Variants in SLC4A10 observed in about 807,000 individuals in gnomAD.
SLC4A10 encodes solute carrier family 4 member 10.
Under a neutral mutation model 137.7 loss-of-function variants are expected in SLC4A10, and 42 were observed. The ratio of observed to expected loss-of-function variants is 0.30; its 90% CI spans 0.24 to 0.39. SLC4A10 has a LOEUF of 0.39. Among genes scored for constraint, SLC4A10 ranks in the 10% least tolerant of loss-of-function variants. The pLI is 1.00. For synonymous variants in SLC4A10, 474 were observed against 464.1 expected (o/e 1.02, Z -0.27); for missense variants, 925 against 1,355.0 (o/e 0.68, Z 4.98).
intron 1 of SLC4A10, among the ~76,000 whole-genome samples, chr2:161,728,964 T>A (rs1433619356): frequency 1.3e-5 from 2 of 152,082 alleles, no homozygotes; most frequent in Non-Finnish European, 2.9e-5. Flanking sequence ...ATCATTTTAA[T>A]TGAGGCAGAA....
At chr2:161,662,257 A>G (rs762465434) in intron 1 of SLC4A10, among the ~76,000 whole-genome samples, 1 of 152,192 alleles carries the variant, frequency 6.6e-6, no homozygotes, top group Non-Finnish European at 1.5e-5. Context: ...TTTTAAAACC[A>G]TATCCAGAAC....
intron 1 of SLC4A10, among the ~76,000 whole-genome samples, chr2:161,643,477 A>G (rs773410627): frequency 1.1e-4 from 17 of 152,132 alleles, no homozygotes; most frequent in Non-Finnish European, 2.4e-4. Context: ...GCAGTAATTT[A>G]CTTATAATAT....
In SLC4A10 at chr2:161,904,922, T is replaced by G. The variant is rs754299759; in HGVS notation, c.1751+13T>G. On this transcript the variant is annotated intron_variant, in intron 14 of 26. Coordinates refer to ENST00000446997, the MANE Select transcript of SLC4A10 (RefSeq NM_001178015.2). ...TTAAATTTTGCAAGTAAGTGTTATGTACTTTTTGGCCCTTAGCCTCTTCCT... is the reference window on the plus strand; with the variant it reads ...TTAAATTTTGCAAGTAAGTGTTATGGACTTTTTGGCCCTTAGCCTCTTCCT... The G allele has an allele frequency of 6.2e-7, 1 of 1,613,748 alleles. No individual in the cohort carries two copies. Among genetic ancestry groups the G allele is most frequent in the South Asian group, 1.1e-5 (1 of 91,036 alleles).
At chr2:161,882,250 C>T (rs2061851932) in intron 9 of SLC4A10, 107 bp from the exon 10 acceptor site, 2 of 584,288 alleles carry the variant, frequency 3.4e-6, no homozygotes, top group East Asian at 6.6e-5. Flanking sequence ...AAGTATTTGC[C>T]ATCACAATCT....
chr2:161,813,701 T>C (rs903558925), intron 3 of SLC4A10, among the ~76,000 whole-genome samples: 1 of 152,112 alleles, frequency 6.6e-6, no homozygotes, highest in African/African-American at 2.4e-5. Flanking sequence ...TTTGAGAAAA[T>C]ATATTTATAT....
intron 2 of SLC4A10, among the ~76,000 whole-genome samples, chr2:161,790,183 C>T (rs1031287157): frequency 6.6e-6 from 1 of 152,098 alleles, no homozygotes; most frequent in Non-Finnish European, 1.5e-5. Flanking sequence ...GTAACCATAT[C>T]ACAATAGTTT....
rs999611041 is a variant in SLC4A10 at position 161,624,590 on chromosome 2, T to A, written c.48+24T>A. 6 of 1,551,604 alleles carry A rather than the reference T, an allele frequency of 3.9e-6. No individual in the cohort carries two copies. In the African/African-American group the frequency reaches 6.8e-5, roughly 18 times the overall value. ...CGGTAAGAGACAACCTGCTATCACA[T>A]AGATTAACCGCGTTTGCTGCAAAAC... On this transcript the variant is annotated intron_variant, in intron 1 of 26. Transcript: ENST00000446997.
At chr2:161,961,149 T>G (rs1007323789) in intron 21 of SLC4A10, among the ~76,000 whole-genome samples, 1 of 152,194 alleles carries the variant, frequency 6.6e-6, no homozygotes, top group Non-Finnish European at 1.5e-5. Flanking sequence ...CTGATGTTCA[T>G]AGCATATAAG....
intron 26 of SLC4A10, 131 bp downstream of exon 26, chr2:161,977,891 C>T: frequency 1.5e-6 from 1 of 687,836 alleles, no homozygotes; most frequent in South Asian, 3.6e-5. Flanking sequence ...GAGTGTTGGG[C>T]TCAGATCCAG....
chr2:161,928,076 T>C (rs1418073502), intron 15 of SLC4A10, among the ~76,000 whole-genome samples: 1 of 151,048 alleles, frequency 6.6e-6, no homozygotes, highest in South Asian at 2.1e-4. Flanking sequence ...TGCACACGTA[T>C]GTTTATTGTG....
At chr2:161,669,281 T>A (rs954169709) in intron 1 of SLC4A10, among the ~76,000 whole-genome samples, 1 of 151,854 alleles carries the variant, frequency 6.6e-6, no homozygotes. Context: ...TGGGCAAACA[T>A]TGCTTATGCA....
chr2:161,814,539 C>G (rs1412549942), intron 3 of SLC4A10, among the ~76,000 whole-genome samples: 3 of 151,982 alleles, frequency 2.0e-5, no homozygotes, highest in Non-Finnish European at 4.4e-5. Flanking sequence ...TGCTCATCAA[C>G]AGTGGATTGA....
intron 2 of SLC4A10, among the ~76,000 whole-genome samples, chr2:161,777,638 G>A (rs921848308): frequency 4.6e-5 from 7 of 151,958 alleles, no homozygotes; most frequent in African/African-American, 1.7e-4. Context: ...GAAAGAGAGA[G>A]AGCTTGGGCA....
Position 161,950,703 on chromosome 2 carries a change from G to A in SLC4A10, c.2396G>A (p.Arg799His), listed in dbSNP as rs371575939. ...PSVFKPTRDD[R>H]GWFVTPLGPN... ...TTTATACAGCCCACTAGAGATGATC[G>A]TGGCTGGTTTGTTACGCCTTTAGGT... The change falls in exon 19 of 27, where the codon CGT becomes CAT. Residue 799 changes from arginine (R) to histidine (H), a missense_variant. Coordinates refer to ENST00000446997, the MANE Select transcript of SLC4A10 (RefSeq NM_001178015.2). The A allele has an allele frequency of 1.9e-6, 3 of 1,589,358 alleles. No homozygotes were observed. Among genetic ancestry groups the A allele is most frequent in the African/African-American group, 1.3e-5 (1 of 74,478 alleles).
intron 1 of SLC4A10, among the ~76,000 whole-genome samples, chr2:161,769,910 C>T (rs950534943): frequency 1.3e-5 from 2 of 151,202 alleles, no homozygotes; most frequent in Admixed American, 6.6e-5. Context: ...GGAAGAAAGG[C>T]AGGTCCCCAA....
chr2:161,679,683 C>T (rs2040636681), intron 1 of SLC4A10, among the ~76,000 whole-genome samples: 1 of 97,366 alleles, frequency 1.0e-5, no homozygotes, highest in Non-Finnish European at 2.0e-5. Context: ...AATTGTAGGT[C>T]AACGTGTGTG....
intron 15 of SLC4A10, among the ~76,000 whole-genome samples, chr2:161,933,992 C>T (rs912501451): frequency 2.6e-5 from 4 of 152,052 alleles, no homozygotes; most frequent in Non-Finnish European, 4.4e-5. Context: ...CTTGTTCAGA[C>T]ACTTTCATCT....
chr2:161,661,727 T>C (rs2038424958), intron 1 of SLC4A10, among the ~76,000 whole-genome samples: 1 of 152,238 alleles, frequency 6.6e-6, no homozygotes, highest in Admixed American at 6.5e-5. Flanking sequence ...TTTCTATTTG[T>C]TGGCTTCATT....
At chr2:161,819,086 A>C (rs1341968895) in intron 3 of SLC4A10, among the ~76,000 whole-genome samples, 1 of 152,238 alleles carries the variant, frequency 6.6e-6, no homozygotes, top group Non-Finnish European at 1.5e-5. Context: ...CAACATCAGC[A>C]GAATCCTACT....
Sources: gnomAD v4.1 joint callset for allele counts (sites outside exome capture counted in the v4.1 genomes callset) on GRCh38, gnomAD v4.1.1 for gene constraint, MANE v1.5 for transcripts, NCBI Gene and HGNC (gene_info 2026-07-23, HGNC 2026-07-21) for gene names.